Variants in CDH4 observed in about 807,000 individuals in gnomAD.
CDH4 encodes the protein cadherin-4.
In CDH4, 33 loss-of-function variants were observed where a neutral mutation model predicts 86.0. The ratio of observed to expected loss-of-function variants is 0.38; its 90% CI spans 0.29 to 0.51. The LOEUF (loss-of-function observed/expected upper bound fraction) is 0.51, where lower values mean the gene tolerates loss of function less well. CDH4 is among the 20% of genes least tolerant of loss of function. The pLI, the probability that CDH4 is intolerant of heterozygous loss-of-function variation, is 0.86. For synonymous variants in CDH4, 555 were observed against 549.4 expected (o/e 1.01, Z -0.14); for missense variants, 1,114 against 1,307.4 (o/e 0.85, Z 2.28).
intron 2 of CDH4, among the ~76,000 whole-genome samples, chr20:61,339,271 G>C (rs943621899): frequency 6.6e-5 from 10 of 152,210 alleles, no homozygotes; most frequent in Non-Finnish European, 1.2e-4. Flanking sequence ...TCCCACTGTG[G>C]AGGAAGGGAC....
At chr20:61,633,243 A>G (rs1025557528) in intron 2 of CDH4, among the ~76,000 whole-genome samples, 1 of 143,826 alleles carries the variant, frequency 7.0e-6, no homozygotes, top group Admixed American at 6.8e-5. Flanking sequence ...CCATCCATCT[A>G]TCCATCTATT....
chr20:61,737,619 C>T (rs1568787332), intron 2 of CDH4, among the ~76,000 whole-genome samples: 1 of 152,206 alleles, frequency 6.6e-6, no homozygotes, highest in East Asian at 1.9e-4. Flanking sequence ...GTGGGATGGA[C>T]GACCTTGACC....
intron 2 of CDH4, among the ~76,000 whole-genome samples, chr20:61,311,749 G>A (rs1413213349): frequency 6.6e-6 from 1 of 152,262 alleles, no homozygotes; most frequent in Admixed American, 6.5e-5. Flanking sequence ...TATCTCAAGG[G>A]CCAGAGAAAT....
At chr20:61,633,312 T>G (rs1001648326) in intron 2 of CDH4, among the ~76,000 whole-genome samples, 7 of 152,008 alleles carry the variant, frequency 4.6e-5, no homozygotes, top group Non-Finnish European at 7.4e-5. Context: ...CACTCATGCA[T>G]CCAACTCTCC....
At chr20:61,808,120 G>T (rs1190963759) in intron 4 of CDH4, among the ~76,000 whole-genome samples, 1 of 151,882 alleles carries the variant, frequency 6.6e-6, no homozygotes, top group Non-Finnish European at 1.5e-5. Context: ...CTCCTTAGCT[G>T]AGCACTGGGC....
At chr20:61,426,323 C>T (rs575635646) in intron 2 of CDH4, among the ~76,000 whole-genome samples, 2 of 152,228 alleles carry the variant, frequency 1.3e-5, no homozygotes, top group South Asian at 4.2e-4. Context: ...TAGGAAGATG[C>T]AGGTACCTAT....
intron 2 of CDH4, among the ~76,000 whole-genome samples, chr20:61,414,817 G>A (rs1225900766): frequency 1.3e-5 from 2 of 152,214 alleles, no homozygotes; most frequent in Non-Finnish European, 2.9e-5. Flanking sequence ...TGTGTCCCTT[G>A]CAGAGCCAGC....
chr20:61,416,506 TG>T (rs573097632), intron 2 of CDH4, among the ~76,000 whole-genome samples: 123 of 152,372 alleles, frequency 8.1e-4, no homozygotes, highest in Non-Finnish European at 1.2e-3. Context: ...ACCATCCTAA[TG>T]GGTGTGAAGT....
intron 2 of CDH4, among the ~76,000 whole-genome samples, chr20:61,287,170 G>A (rs973849973): frequency 1.1e-4 from 16 of 152,344 alleles, no homozygotes; most frequent in African/African-American, 3.6e-4. Context: ...ATGTGGTGAA[G>A]TGAGGGGAGC....
In CDH4 at chr20:61,582,276, G is replaced by C. The variant is rs2086435182; in HGVS notation, c.170-161287G>C. Among the ~76,000 whole-genome samples, 2 of 152,184 alleles carry C rather than the reference G, an allele frequency of 1.3e-5. No individual in the cohort carries two copies. Among genetic ancestry groups the C allele is most frequent in the Non-Finnish European group, 2.9e-5 (2 of 68,030 alleles). ...ACGCGGCTTTGCCCTTGATTTTTGAGATGTTTGCCTCCTTATCTGTTTCCA... is the reference window on the plus strand; with the variant it reads ...ACGCGGCTTTGCCCTTGATTTTTGACATGTTTGCCTCCTTATCTGTTTCCA... On this transcript the variant is annotated intron_variant, in intron 2 of 15. Coordinates refer to ENST00000614565, the MANE Select transcript of CDH4 (RefSeq NM_001794.5). The surrounding 1 kb of genome is among the most constrained non-coding windows in gnomAD (Gnocchi z 4.2).
intron 2 of CDH4, among the ~76,000 whole-genome samples, chr20:61,554,907 A>G (rs1268445027): frequency 2.0e-5 from 3 of 152,242 alleles, no homozygotes; most frequent in Non-Finnish European, 2.9e-5. Flanking sequence ...ATGTGTGCAG[A>G]CATGTACATG....
chr20:61,838,838 A>T (rs1323417273), intron 4 of CDH4, among the ~76,000 whole-genome samples: 1 of 123,804 alleles, frequency 8.1e-6, no homozygotes, highest in Non-Finnish European at 1.7e-5. Flanking sequence ...AAAAAAAAAA[A>T]GAAAGAAAGA....
chr20:61,705,033 T>A (rs566307788), intron 2 of CDH4, among the ~76,000 whole-genome samples: 184 of 152,126 alleles, frequency 1.2e-3, no homozygotes, highest in Non-Finnish European at 2.4e-3. Context: ...GGCTCAAAGG[T>A]CCCCTGAGCA....
chr20:61,556,908 C>A (rs749525502), intron 2 of CDH4, among the ~76,000 whole-genome samples: 2 of 151,654 alleles, frequency 1.3e-5, no homozygotes, highest in Non-Finnish European at 2.9e-5. Flanking sequence ...ATCCTCACAC[C>A]AGGGCTGATC....
chr20:61,402,739 A>G (rs568951245), intron 2 of CDH4, among the ~76,000 whole-genome samples: 3 of 152,338 alleles, frequency 2.0e-5, no homozygotes, highest in East Asian at 1.9e-4. Context: ...GGTTGAATCC[A>G]TGGATATGGA....
chr20:61,277,325 A>G (rs1439526151), intron 2 of CDH4, among the ~76,000 whole-genome samples: 2 of 151,840 alleles, frequency 1.3e-5, no homozygotes, highest in African/African-American at 2.4e-5. Context: ...ATGTTTTTGT[A>G]CTCTCTTCTG....
intron 2 of CDH4, among the ~76,000 whole-genome samples, chr20:61,457,630 T>A (rs577934804): frequency 1.5e-3 from 222 of 152,218 alleles, no homozygotes; most frequent in Non-Finnish European, 2.4e-3. Flanking sequence ...CTGGCACTGG[T>A]GGTGGTGATG....
intron 4 of CDH4, among the ~76,000 whole-genome samples, chr20:61,797,726 G>T (rs1286457527): frequency 6.6e-6 from 1 of 152,240 alleles, no homozygotes; most frequent in Non-Finnish European, 1.5e-5. Flanking sequence ...ATTCAAGGCT[G>T]CAGTGAGCTG....
At chr20:61,673,296 G>T (rs2387147) in intron 2 of CDH4, among the ~76,000 whole-genome samples, 11 of 152,102 alleles carry the variant, frequency 7.2e-5, no homozygotes, top group Middle Eastern at 3.4e-3. Flanking sequence ...GAATCTCAGC[G>T]GCAGCTGCAG....
Sources: allele counts gnomAD v4.1 joint callset (sites outside exome capture counted in the v4.1 genomes callset), GRCh38; gene constraint gnomAD v4.1.1; non-coding constraint Gnocchi (gnomAD v3.1); transcripts MANE v1.5; gene names NCBI Gene and HGNC (gene_info 2026-07-23, HGNC 2026-07-21).